Variants in ARHGAP44 observed in about 807,000 individuals in gnomAD.
ARHGAP44 encodes Rho GTPase activating protein 44.
ARHGAP44 carries 43 observed loss-of-function variants against 106.8 expected under a neutral mutation model. The observed-to-expected ratio is 0.40, with a 90% confidence interval of 0.32 to 0.52. The LOEUF is 0.52. Among genes scored for constraint, ARHGAP44 ranks in the 20% least tolerant of loss-of-function variants. The pLI is 0.48. For synonymous variants in ARHGAP44, 439 were observed against 410.3 expected, an observed-to-expected ratio of 1.07 and a Z score of -0.85; for missense variants, 866 against 1,050.5, an observed-to-expected ratio of 0.82 and a Z score of 2.43.
intron 1 of ARHGAP44, among the ~76,000 whole-genome samples, chr17:12,868,962 A>G (rs2150878931): frequency 6.6e-6 from 1 of 152,034 alleles, no homozygotes; most frequent in East Asian, 1.9e-4. Flanking sequence ...ACATATATAT[A>G]TATTAAAAAT....
chr17:12,873,097 G>T (rs1906757158), intron 1 of ARHGAP44, among the ~76,000 whole-genome samples: 1 of 146,278 alleles, frequency 6.8e-6, no homozygotes, highest in African/African-American at 2.6e-5. Context: ...GACAGCTTTT[G>T]GCGGCTGCTT....
chr17:12,828,635 T>TC (rs2034994237), intron 1 of ARHGAP44, among the ~76,000 whole-genome samples: 1 of 134,848 alleles, frequency 7.4e-6, no homozygotes, highest in South Asian at 2.3e-4. Context: ...TTTTTTTCTT[T>TC]CTTTTTTTTT....
intron 1 of ARHGAP44, among the ~76,000 whole-genome samples, chr17:12,861,658 T>TTTTTTTTTTTTTTTTTTTGAGATG (rs1597958904): frequency 9.8e-5 from 1 of 10,202 alleles, no homozygotes; most frequent in Admixed American, 1.7e-3. Flanking sequence ...TTTTTTTTTT[T>TTTTTTTTTTTTTTTTTTTGAGATG]GAGATGGAAT....
At chr17:12,977,952 C>T (rs761330354) in intron 18 of ARHGAP44, among the ~76,000 whole-genome samples, 7 of 143,352 alleles carry the variant, frequency 4.9e-5, no homozygotes, top group East Asian at 2.1e-4. Flanking sequence ...GAAGGAGAAT[C>T]GCTTGAACCT....
intron 3 of ARHGAP44, among the ~76,000 whole-genome samples, chr17:12,900,141 T>TTTATTA (rs1344746574): frequency 6.6e-6 from 1 of 152,122 alleles, no homozygotes; most frequent in African/African-American, 2.4e-5. Flanking sequence ...TATTTTTATT[T>TTTATTA]TTTTTTGAGA....
At chr17:12,871,050 T>C (rs1208669080) in intron 1 of ARHGAP44, among the ~76,000 whole-genome samples, 1 of 152,238 alleles carries the variant, frequency 6.6e-6, no homozygotes, top group Non-Finnish European at 1.5e-5. Context: ...ACAATTTACA[T>C]TTCTTGTTTC....
rs1241105302 is a variant in ARHGAP44, at chr17:12,980,070, C to T, written c.1776C>T (p.Ser592=). ...GCTTTCGTTTCAGCACAACAAAAAG[C>T]AAGGAACTTTCTCCAGGCTCTGCAC... is the stretch of plus-strand genomic sequence containing the variant. The part of the protein sequence containing the change: ...PGPERTSTTK[S]KELSPGSAQK... Residue 592 remains serine, a synonymous_variant, in exon 19 of 21, where the codon AGC becomes AGT. Coordinates refer to ENST00000379672, the MANE Select transcript of ARHGAP44 (RefSeq NM_014859.6). The T allele has an allele frequency of 1.2e-6, 2 of 1,605,482 alleles. No homozygotes were observed. Among genetic ancestry groups the T allele is most frequent in the Non-Finnish European group, 1.7e-6 (2 of 1,175,744 alleles).
At position 12,819,531 on chromosome 17, in the gene ARHGAP44, A is replaced by G. The variant is rs187080891; in HGVS notation, c.53+29640A>G. ...AGGTATTTATATCATCTGTACTCCCACCAGTTATGTCCAGTTGCTCCATAC... is the reference window on the plus strand; with the variant it reads ...AGGTATTTATATCATCTGTACTCCCGCCAGTTATGTCCAGTTGCTCCATAC... On this transcript the variant is annotated intron_variant, in intron 1 of 20. Coordinates refer to ENST00000379672, the MANE Select transcript of ARHGAP44 (RefSeq NM_014859.6). Among the ~76,000 whole-genome samples, 562 of 151,342 alleles carry G rather than the reference A, an allele frequency of 3.7e-3. 3 individuals carry two copies. Among genetic ancestry groups the G allele is most frequent in the African/African-American group, 0.013 (540 of 41,256 alleles).
chr17:12,916,766 A>T (rs2037929334), intron 5 of ARHGAP44, among the ~76,000 whole-genome samples: 1 of 152,128 alleles, frequency 6.6e-6, no homozygotes, highest in African/African-American at 2.4e-5. Flanking sequence ...AGCAACCTTA[A>T]TGCCTATGTG....
chr17:12,938,546 C>T (rs188657784), intron 7 of ARHGAP44, among the ~76,000 whole-genome samples: 25 of 136,440 alleles, frequency 1.8e-4, no homozygotes, highest in Non-Finnish European at 1.1e-4. Flanking sequence ...CTGCTCAATT[C>T]ATGAACAGTT....
chr17:12,979,328 C>T (rs1419821890), intron 18 of ARHGAP44, among the ~76,000 whole-genome samples: 3 of 152,266 alleles, frequency 2.0e-5, no homozygotes, highest in East Asian at 3.9e-4. Flanking sequence ...CTTGCAGTAA[C>T]GATGAATCCT....
Position 12,958,917 on chromosome 17 carries a change from T to C in ARHGAP44, c.1523+20T>C, listed in dbSNP as rs2039192406. ...GGATGGGTATGAACTGGTGTCTCTT[T>C]CTCAGCACTGGGGATTAGGGGAGGT... On this transcript the variant is annotated intron_variant, in intron 16 of 20. Transcript: ENST00000379672. The surrounding 1 kb of genome is among the most constrained non-coding windows in gnomAD (Gnocchi z 4.1). 1 of 1,593,614 alleles carries C rather than the reference T, an allele frequency of 6.3e-7. No homozygotes were observed. Among genetic ancestry groups the C allele is most frequent in the East Asian group, 2.3e-5 (1 of 44,252 alleles).
intron 1 of ARHGAP44, among the ~76,000 whole-genome samples, chr17:12,892,144 ATTTTGTCAAC>A (rs1007832425): frequency 6.6e-6 from 1 of 152,142 alleles, no homozygotes; most frequent in Non-Finnish European, 1.5e-5. Flanking sequence ...CTGATGACAA[ATTTTGTCAAC>A]TTTTGTATAT....
chr17:12,983,126 A>G (rs55855535), intron 19 of ARHGAP44: 13,199 of 152,190 alleles, frequency 0.087, 796 homozygotes, highest in Middle Eastern at 0.19. Context: ...TTAGCTGGGC[A>G]TGGTGGCAGG....
Position 12,973,317 on chromosome 17 carries a change from A to G in ARHGAP44, c.1539A>G (p.Gln513=), listed in dbSNP as rs1302491192. The G allele has an allele frequency of 6.2e-7, 1 of 1,608,694 alleles. No homozygotes were observed. Among genetic ancestry groups the G allele is most frequent in the South Asian group, 1.1e-5 (1 of 89,672 alleles). Residue 513 remains glutamine (Q), a splice_region_variant and synonymous_variant, in exon 17 of 21, where the codon CAA becomes CAG. Coordinates refer to ENST00000379672, the MANE Select transcript of ARHGAP44 (RefSeq NM_014859.6). ...GTCCCTGCAGCCTTAGGAAAATCCAAAGGTATGGTATCCTCTGGTAGCTAT... is the reference window on the plus strand; with the variant it reads ...GTCCCTGCAGCCTTAGGAAAATCCAGAGGTATGGTATCCTCTGGTAGCTAT... ...FYKKDGLRKI[Q]SMGVRVMDTN...
chr17:12,843,450 C>T (rs925108204), intron 1 of ARHGAP44, among the ~76,000 whole-genome samples: 11 of 152,078 alleles, frequency 7.2e-5, no homozygotes, highest in African/African-American at 1.9e-4. Context: ...TGGTTTTAGA[C>T]AGCTGCCCTA....
intron 1 of ARHGAP44, among the ~76,000 whole-genome samples, chr17:12,884,932 G>C (rs141427363): frequency 6.4e-4 from 97 of 152,100 alleles, no homozygotes; most frequent in Non-Finnish European, 9.9e-4. Context: ...ATGGAGTCTC[G>C]CTGTGTCACC....
At chr17:12,793,306 A>G (rs554120080) in intron 1 of ARHGAP44, among the ~76,000 whole-genome samples, 1 of 152,378 alleles carries the variant, frequency 6.6e-6, no homozygotes, top group African/African-American at 2.4e-5. Context: ...ATTGAATTAT[A>G]TGCACTATGG....
intron 18 of ARHGAP44, among the ~76,000 whole-genome samples, chr17:12,974,674 G>A (rs2143343305): frequency 6.6e-6 from 1 of 152,222 alleles, no homozygotes; most frequent in Non-Finnish European, 1.5e-5. Flanking sequence ...GCGCATATCT[G>A]AAACAGCTGA....
Sources: gnomAD v4.1 joint callset for allele counts (sites outside exome capture counted in the v4.1 genomes callset) on GRCh38, gnomAD v4.1.1 for gene constraint, Gnocchi (gnomAD v3.1) non-coding constraint, MANE v1.5 for transcripts, NCBI Gene and HGNC (gene_info 2026-07-23, HGNC 2026-07-21) for gene names.